The following SMG9 variants were observed in gnomAD, a reference collection of about 807,000 sequenced individuals.
SMG9 encodes the protein SMG9 nonsense mediated mRNA decay factor, also known as nonsense-mediated mRNA decay factor SMG9.
In SMG9, 55 loss-of-function variants were observed where a neutral mutation model predicts 64.0. That is an observed-to-expected ratio of 0.86 (90% CI 0.69 to 1.08). The LOEUF is 1.08. Among genes scored for constraint, SMG9 ranks in the 50% least tolerant of loss-of-function variants. The pLI is 0.00. For missense variants in SMG9, 554 were observed against 681.3 expected (o/e 0.81, Z 2.08); for synonymous variants, 244 against 254.8 (o/e 0.96, Z 0.41).
intron 6 of SMG9, among the ~76,000 whole-genome samples, chr19:43,743,143 C>G (rs1205456808): frequency 6.6e-6 from 1 of 151,982 alleles, no homozygotes; most frequent in African/African-American, 2.4e-5. Flanking sequence ...ATACTGAAGT[C>G]TACCACACCA....
chr19:43,745,469 A>AG (rs995430641), intron 5 of SMG9, among the ~76,000 whole-genome samples: 4 of 152,214 alleles, frequency 2.6e-5, no homozygotes, highest in Admixed American at 2.0e-4. Flanking sequence ...TTTCACCACC[A>AG]GGGGGTGTAA....
At chr19:43,734,826 C>T (rs1968605567) in intron 9 of SMG9, 1 of 213,904 alleles carries the variant, frequency 4.7e-6, no homozygotes, top group South Asian at 1.2e-4. Context: ...GCCTCCCTGA[C>T]TATCAACATC....
intron 2 of SMG9, chr19:43,748,816 C>G (rs1334237282): frequency 5.8e-6 from 3 of 520,078 alleles, no homozygotes; most frequent in Admixed American, 1.9e-5. Flanking sequence ...TTACTTAAAC[C>G]CTGCTCACTT....
chr19:43,729,933 C>T lies in SMG9; in HGVS notation c.*1663G>A, dbSNP rs1481474966. ...GGTCAGGAAGTGGCTGTGCCAGAGC[C>T]TGTGCTGGGCCTCCTGTCTCCCAGG... On this transcript the variant is annotated 3_prime_UTR_variant, in exon 14 of 14. Transcript: ENST00000270066. 6.6e-6 allele frequency: 1 copy of T among 152,330 alleles called. No homozygotes were observed. The highest frequency in any genetic ancestry group is 6.5e-5 in the Admixed American group (1 of 15,284). 9.4% of individuals were successfully genotyped at this position (152,330 alleles called of 1,614,324 possible).
Position 43,744,695 on chromosome 19 carries a change from A to G in SMG9, c.701+77T>C, listed in dbSNP as rs150946686. 2.0e-5 allele frequency: 21 copies of G among 1,063,620 alleles called. No individual in the cohort carries two copies. In the Admixed American group the frequency reaches 2.2e-4, roughly 11 times the overall value. 65.9% of individuals were successfully genotyped at this position (1,063,620 alleles called of 1,614,324 possible). On this transcript the variant is annotated intron_variant, in intron 6 of 13. Coordinates refer to ENST00000270066, the MANE Select transcript of SMG9 (RefSeq NM_019108.4). ...CAAAGTCCTTTGGTAACACCACTTGAAACACCCAAGCCCACCTTGCCCCTG... is the reference window on the plus strand; with the variant it reads ...CAAAGTCCTTTGGTAACACCACTTGGAACACCCAAGCCCACCTTGCCCCTG...
Position 43,731,403 on chromosome 19 carries a change from C to A in SMG9, c.*193G>T. The A allele has an allele frequency of 2.1e-6, 3 of 1,409,384 alleles. No homozygotes were observed. The highest frequency in any genetic ancestry group is 2.8e-6 in the Non-Finnish European group (3 of 1,081,554). 87.3% of individuals were successfully genotyped at this position (1,409,384 alleles called of 1,614,324 possible). A position where few individuals can be genotyped will look rare whatever the true frequency, so the allele number is the denominator to read the frequency against. On this transcript the variant is annotated 3_prime_UTR_variant, in exon 14 of 14. Transcript: ENST00000270066. ...TTTGGGGTGGGATCGCTCACAGTCA[C>A]CCCCGGAACAGCCCCAACTGAGGGT...
intron 2 of SMG9, chr19:43,750,126 C>A (rs1427433843): frequency 1.9e-6 from 1 of 520,594 alleles, no homozygotes; most frequent in Non-Finnish European, 3.8e-6. Context: ...CTCTCCAATG[C>A]CAATTTCACT....
chr19:43,753,877 T>C (rs1368365163), intron 1 of SMG9, among the ~76,000 whole-genome samples: 2 of 148,690 alleles, frequency 1.3e-5, no homozygotes, highest in Non-Finnish European at 3.0e-5. Flanking sequence ...ATCGTGCCAC[T>C]GCACTCCAGC....
chr19:43,740,465 A>C (rs1464355055), intron 6 of SMG9, among the ~76,000 whole-genome samples: 1 of 152,146 alleles, frequency 6.6e-6, no homozygotes, highest in African/African-American at 2.4e-5. Context: ...TGAGGTGTTG[A>C]AGGGCAGAGA....
intron 7 of SMG9, chr19:43,739,775 G>A (rs1372117150): frequency 3.2e-6 from 1 of 309,422 alleles, no homozygotes; most frequent in Non-Finnish European, 6.2e-6. Flanking sequence ...TACAGATAAA[G>A]AGCTGTGGTT....
Position 43,733,438 on chromosome 19 carries a change from A to C in SMG9, c.1225T>G (p.Leu409Val). The change falls in exon 12 of 14, where the codon TTA (leucine) becomes GTA (valine). Residue 409 changes from leucine (L) to valine (V), a missense_variant. By Grantham distance (32) the Leu-to-Val change is conservative. Coordinates refer to ENST00000270066, the MANE Select transcript of SMG9 (RefSeq NM_019108.4). ...AGCCCCGGGAAGACATTGCATTGTA[A>C]CATGGACAGAGTTCCTGGAGGAGAA... ...HLRYKGTLSM[L>V]QCNVFPGLPP... 6.2e-7 allele frequency: 1 copy of C among 1,614,036 alleles called. No homozygotes were observed. The highest frequency in any genetic ancestry group is 8.5e-7 in the Non-Finnish European group (1 of 1,180,030).
At position 43,729,046 on chromosome 19, in the gene SMG9, T is replaced by G; in HGVS notation, c.*2550A>C. The G allele has an allele frequency of 1.0e-6, 1 of 985,584 alleles. No individual in the cohort carries two copies. The highest frequency in any genetic ancestry group is 1.2e-6 in the Non-Finnish European group (1 of 830,050). 61.1% of individuals were successfully genotyped at this position (985,584 alleles called of 1,614,324 possible). On this transcript the variant is annotated 3_prime_UTR_variant, in exon 14 of 14. Coordinates refer to ENST00000270066, the MANE Select transcript of SMG9 (RefSeq NM_019108.4). The stretch of plus-strand genomic sequence containing the variant: ...CTGCTGGCAGCATCAGCCTGAGTCC[T>G]CTGCTGGATGTAAAGGGGGTGGCGG...
In SMG9 at chr19:43,747,828, C is replaced by G; in HGVS notation, c.295G>C (p.Val99Leu). ...CCCTCCTCCCGTGGCTTCATGAGAA[C>G]GATGGGCTTCTCCAGAGGGGCTGGA... ...PAPAPLEKPI[V>L]LMKPREEGKG... Residue 99 changes from valine to leucine, a missense_variant, in exon 4 of 14, where the codon GTT (valine) becomes CTT (leucine). Physicochemically the swap from Val to Leu is conservative, Grantham distance 32 (BLOSUM62 1). Coordinates refer to ENST00000270066, the MANE Select transcript of SMG9 (RefSeq NM_019108.4). The G allele has an allele frequency of 6.2e-7, 1 of 1,605,432 alleles. No homozygotes were observed. The highest frequency in any genetic ancestry group is 8.5e-7 in the Non-Finnish European group (1 of 1,175,330).
chr19:43,733,831 A>G, intron 10 of SMG9, 98 bp from the exon 11 acceptor site: 2 of 796,380 alleles, frequency 2.5e-6, no homozygotes, highest in Admixed American at 4.4e-5. Flanking sequence ...CCCTGAGTTC[A>G]GATCACTGTG....
chr19:43,734,315 T>A, intron 10 of SMG9, 74 bp downstream of exon 10: 1 of 1,206,766 alleles, frequency 8.3e-7, no homozygotes, highest in South Asian at 1.3e-5. Flanking sequence ...TCCCCTCTTC[T>A]CCAGCGTGCT....
In SMG9 at chr19:43,748,012, GT is replaced by G. The variant is rs1328607325; in HGVS notation, c.190del (p.Thr64ProfsTer38). On this transcript the variant is annotated frameshift_variant, in exon 3 of 14. Transcript: ENST00000270066. LOFTEE classifies it high-confidence loss of function. ...EETSTSVMQK[T>X]PIILSKPPAE... Reference sequence around the variant, plus strand: ...TGGAGGTTTTGAGAGGATGATGGGGGTTTTCTGCATGACGGAAGTGCTTGTC... The same window carrying G: ...TGGAGGTTTTGAGAGGATGATGGGGGTTTCTGCATGACGGAAGTGCTTGTC... 1 of 1,613,610 alleles carries G rather than the reference GT, an allele frequency of 6.2e-7. No homozygotes were observed. The highest frequency in any genetic ancestry group is 8.5e-7 in the Non-Finnish European group (1 of 1,179,798).
Position 43,730,012 on chromosome 19 carries a change from T to G in SMG9, c.*1584A>C, listed in dbSNP as rs1423055719. ...TATCCACTTCTGGCCTGACCTTCTC[T>G]GGCCCTGCTGAGTGCTTTCTTCACT... is the stretch of plus-strand genomic sequence containing the variant. On this transcript the variant is annotated 3_prime_UTR_variant, in exon 14 of 14. Coordinates refer to ENST00000270066, the MANE Select transcript of SMG9 (RefSeq NM_019108.4). 1 of 152,802 alleles carries G rather than the reference T, an allele frequency of 6.5e-6. No individual in the cohort carries two copies. The highest frequency in any genetic ancestry group is 1.5e-5 in the Non-Finnish European group (1 of 68,508). 9.5% of individuals were successfully genotyped at this position (152,802 alleles called of 1,614,324 possible).
At chr19:43,752,137 T>A (rs999589497) in intron 1 of SMG9, among the ~76,000 whole-genome samples, 1 of 152,220 alleles carries the variant, frequency 6.6e-6, no homozygotes, top group East Asian at 1.9e-4. Flanking sequence ...TCACCTGGTA[T>A]CCCACTACAT....
chr19:43,739,960 GAC>G lies in SMG9; in HGVS notation c.813+145_813+146del, dbSNP rs1968793519. ...GACAAGAGACTAAGGGCCAAGAAAA[GAC>G]ACAATTTGCCCCAGGGCAGCCAGTA... On this transcript the variant is annotated intron_variant, in intron 7 of 13. Transcript: ENST00000270066. The G allele has an allele frequency of 4.6e-6, 3 of 651,656 alleles. No individual in the cohort carries two copies. The East Asian group carries it at 8.1e-5, about 18-fold the overall frequency. The allele number at this position is 651,656 out of a possible 1,614,324, so 40.4% of individuals were successfully genotyped here.
Sources: gnomAD v4.1 joint callset for allele counts (sites outside exome capture counted in the v4.1 genomes callset) on GRCh38, gnomAD v4.1.1 for gene constraint, MANE v1.5 for transcripts, NCBI Gene and HGNC (gene_info 2026-07-23, HGNC 2026-07-21) for gene names.